The following CUL2 variants were observed in gnomAD, a reference collection of about 807,000 sequenced individuals.
CUL2 encodes cullin-2.
Under a neutral mutation model 110.2 loss-of-function variants are expected in CUL2, and 22 were observed. The observed-to-expected ratio is 0.20, with a 90% CI of 0.14 to 0.28. The LOEUF is 0.28. CUL2 is among the 10% of genes least tolerant of loss of function. The pLI, the probability that CUL2 is intolerant of heterozygous loss-of-function variation, is 1.00. For missense variants in CUL2, 631 were observed against 905.5 expected (o/e 0.70, Z 3.89); for synonymous variants, 279 against 293.2 (o/e 0.95, Z 0.49).
chr10:35,064,398 A>G (rs1482257311), intron 2 of CUL2, among the ~76,000 whole-genome samples: 2 of 152,176 alleles, frequency 1.3e-5, no homozygotes, highest in Non-Finnish European at 2.9e-5. Flanking sequence ...TGTCCCCCCG[A>G]CACTTCATAT....
At chr10:35,014,999 C>T (rs1336862731) in intron 18 of CUL2, among the ~76,000 whole-genome samples, 1 of 151,342 alleles carries the variant, frequency 6.6e-6, no homozygotes, top group Admixed American at 6.6e-5. Context: ...TTAAGAAATC[C>T]CTATTTTGGC....
intron 1 of CUL2, among the ~76,000 whole-genome samples, chr10:35,084,992 C>T (rs182174466): frequency 2.6e-5 from 4 of 151,696 alleles, no homozygotes; most frequent in Admixed American, 6.6e-5. Flanking sequence ...TGGTGGTGGG[C>T]GCCTGTAATC....
chr10:35,025,906 C>G (rs1044180661), intron 16 of CUL2, among the ~76,000 whole-genome samples: 1 of 152,128 alleles, frequency 6.6e-6, no homozygotes, highest in African/African-American at 2.4e-5. Flanking sequence ...GTTCAGAATT[C>G]TGAATAAACT....
intron 1 of CUL2, among the ~76,000 whole-genome samples, chr10:35,121,809 CAAAAAAA>C (rs148455667): frequency 1.1e-5 from 1 of 94,132 alleles, no homozygotes; most frequent in Non-Finnish European, 2.1e-5. Flanking sequence ...GACCCTGTCT[CAAAAAAA>C]AAAAAAAAAA....
chr10:35,062,823 C>G (rs1214407265), intron 3 of CUL2, 137 bp downstream of exon 3: 2 of 595,348 alleles, frequency 3.4e-6, no homozygotes, highest in Non-Finnish European at 5.9e-6. Context: ...GGCAACAGAG[C>G]AAGACCCTGT....
chr10:35,089,804 T>G (rs937551682), intron 1 of CUL2: 1 of 139,624 alleles, frequency 7.2e-6, no homozygotes, highest in Non-Finnish European at 1.6e-5. Flanking sequence ...TAAGGATGCA[T>G]GAGATGCCCC....
At chr10:35,124,958 C>T (rs565120454) in intron 1 of CUL2, among the ~76,000 whole-genome samples, 2 of 152,304 alleles carry the variant, frequency 1.3e-5, no homozygotes, top group South Asian at 4.1e-4. Flanking sequence ...TAACTATCAC[C>T]TAGGTGAGGA....
At position 35,084,844 on chromosome 10, in the gene CUL2, G is replaced by C. The variant is rs550594678; in HGVS notation, c.-23+5335C>G. ...TTAAAAACAACTGATAGTTGGACAG[G>C]CCTGGTGGCTCACACTTGTAATCCC... On this transcript the variant is annotated intron_variant, in intron 1 of 20. Transcript: ENST00000374749. Among the ~76,000 whole-genome samples, 269 of 152,262 alleles carry C rather than the reference G, an allele frequency of 1.8e-3. 1 individual carries two copies. The South Asian group carries it at 0.027, about 15-fold the overall frequency.
At chr10:35,095,503 A>G (rs1346180650), upstream of CUL2, among the ~76,000 whole-genome samples, 1 of 152,078 alleles carries the variant, frequency 6.6e-6, no homozygotes, top group East Asian at 1.9e-4. Flanking sequence ...GTAGTCAGCT[A>G]TTTGTACTTC....
chr10:35,016,253 T>C lies in CUL2; in HGVS notation c.1826A>G (p.Glu609Gly). The C allele has an allele frequency of 6.2e-7, 1 of 1,614,126 alleles. No homozygotes were observed. The highest frequency in any genetic ancestry group is 8.5e-7 in the Non-Finnish European group (1 of 1,179,982). ...LQDSTQMNEK[E>G]LTKTIKSLLD... Reference sequence around the variant, plus strand: ...TAATGATTTGATTGTTTTTGTCAGTTCCTTTTCATTCATCTGAGTGCTGTC... The same window carrying C: ...TAATGATTTGATTGTTTTTGTCAGTCCCTTTTCATTCATCTGAGTGCTGTC... The change falls in exon 18 of 21, where the codon GAA (glutamate) becomes GGA (glycine). Residue 609 changes from glutamate (E) to glycine (G), a missense_variant. Coordinates refer to ENST00000374749, the MANE Select transcript of CUL2 (RefSeq NM_003591.4).
intron 1 of CUL2, among the ~76,000 whole-genome samples, chr10:35,084,868 C>T (rs1273969494): frequency 1.3e-5 from 2 of 152,104 alleles, no homozygotes; most frequent in Admixed American, 1.3e-4. Context: ...ACTTGTAATC[C>T]CAGCACTTTG....
At chr10:35,116,128 A>T (rs967412309) in intron 1 of CUL2, among the ~76,000 whole-genome samples, 1 of 152,180 alleles carries the variant, frequency 6.6e-6, no homozygotes, top group East Asian at 1.9e-4. Context: ...AGATAACCTG[A>T]GGTCAGGAGT....
At chr10:35,016,052 T>C in intron 18 of CUL2, 140 bp downstream of exon 18, 1 of 677,366 alleles carries the variant, frequency 1.5e-6, no homozygotes, top group South Asian at 1.9e-5. Context: ...CGCAGCTCTA[T>C]GGAGCGTACA....
rs893582489 is a variant in CUL2, at chr10:35,028,200, T to C, written c.1617+610A>G. On this transcript the variant is annotated intron_variant, in intron 16 of 20. Coordinates refer to ENST00000374749, the MANE Select transcript of CUL2 (RefSeq NM_003591.4). ...GCTCTTCTTCACATAGTTTCTAAAA[T>C]AGTCTGTGCTACAATCTCTTTTCAA... Among the ~76,000 whole-genome samples, 7 of 152,340 alleles carry C rather than the reference T, an allele frequency of 4.6e-5. 1 individual carries two copies. The South Asian group carries it at 1.4e-3, about 32-fold the overall frequency.
intron 12 of CUL2, among the ~76,000 whole-genome samples, chr10:35,032,180 AATCTAC>A (rs1252596054): frequency 2.0e-5 from 3 of 152,242 alleles, no homozygotes; most frequent in African/African-American, 7.2e-5. Context: ...GATGTAACAG[AATCTAC>A]ATGAAAAGTA....
intron 1 of CUL2, among the ~76,000 whole-genome samples, chr10:35,102,521 G>A (rs978771399): frequency 1.4e-4 from 22 of 152,242 alleles, no homozygotes; most frequent in Middle Eastern, 3.4e-3. Flanking sequence ...ACAGTGAGCT[G>A]AGACTGTTCC....
chr10:35,089,317 G>A (rs534036917), intron 1 of CUL2, among the ~76,000 whole-genome samples: 2 of 152,184 alleles, frequency 1.3e-5, no homozygotes, highest in Non-Finnish European at 2.9e-5. Flanking sequence ...GATTCTAAAG[G>A]GTAGGCAACA....
At chr10:35,081,456 T>A (rs755529441) in intron 1 of CUL2, among the ~76,000 whole-genome samples, 1 of 152,216 alleles carries the variant, frequency 6.6e-6, no homozygotes, top group Non-Finnish European at 1.5e-5. Flanking sequence ...TAAAAAAAAC[T>A]ATTCTCATAT....
chr10:35,051,542 G>T (rs748502141), intron 5 of CUL2, among the ~76,000 whole-genome samples: 8 of 152,186 alleles, frequency 5.3e-5, no homozygotes, highest in Non-Finnish European at 1.2e-4. Flanking sequence ...GAACCGGCCG[G>T]GCGGAGCCTG....
Sources: gnomAD v4.1 joint callset for allele counts (sites outside exome capture counted in the v4.1 genomes callset) on GRCh38, gnomAD v4.1.1 for gene constraint, MANE v1.5 for transcripts, NCBI Gene and HGNC (gene_info 2026-07-23, HGNC 2026-07-21) for gene names.